AHCYL2: variants seen among roughly 807,000 people sequenced by gnomAD.
The protein encoded by AHCYL2 is S-adenosylhomocysteine hydrolase-like protein 2.
AHCYL2 carries 28 observed loss-of-function variants against 81.4 expected under a neutral mutation model. The ratio of observed to expected loss-of-function variants is 0.34; its 90% CI spans 0.25 to 0.47. The LOEUF (loss-of-function observed/expected upper bound fraction) is 0.47. Among genes scored for constraint, AHCYL2 ranks in the 20% least tolerant of loss-of-function variants. The probability of loss-of-function intolerance (pLI) is 1.00; values close to 1 mark genes in which losing one functional copy is unlikely to be tolerated. For synonymous variants in AHCYL2, 272 were observed against 290.2 expected (o/e 0.94, Z 0.64); for missense variants, 551 against 785.1 (o/e 0.70, Z 3.56).
intron 1 of AHCYL2, among the ~76,000 whole-genome samples, chr7:129,320,920 T>C (rs1397102556): frequency 6.6e-6 from 1 of 152,236 alleles, no homozygotes; most frequent in Non-Finnish European, 1.5e-5. Context: ...CACATATCAT[T>C]ACTTCATTCC....
intron 1 of AHCYL2, among the ~76,000 whole-genome samples, chr7:129,340,094 A>AT (rs951944063): frequency 1.8e-4 from 26 of 142,782 alleles, no homozygotes; most frequent in African/African-American, 2.8e-4. Flanking sequence ...TATTTTTTGT[A>AT]TTTTTTTTTA....
intron 1 of AHCYL2, among the ~76,000 whole-genome samples, chr7:129,305,071 G>A (rs546031880): frequency 2.6e-4 from 40 of 151,332 alleles, no homozygotes; most frequent in African/African-American, 8.2e-4. Context: ...TAGATTTGTG[G>A]TTACCATGAA....
At chr7:129,414,455 C>T (rs1338167945) in intron 12 of AHCYL2, among the ~76,000 whole-genome samples, 3 of 141,020 alleles carry the variant, frequency 2.1e-5, no homozygotes, top group Non-Finnish European at 3.0e-5. Context: ...GAGTCTCACT[C>T]TGTCGCCCAG....
At chr7:129,275,068 G>C (rs1001786701) in intron 1 of AHCYL2, among the ~76,000 whole-genome samples, 7 of 152,132 alleles carry the variant, frequency 4.6e-5, no homozygotes, top group Non-Finnish European at 8.8e-5. Context: ...ATTTAGAATA[G>C]TTTTTAAATT....
intron 1 of AHCYL2, among the ~76,000 whole-genome samples, chr7:129,239,010 C>T (rs1051596598): frequency 7.0e-6 from 1 of 142,574 alleles, no homozygotes; most frequent in African/African-American, 2.5e-5. Flanking sequence ...TAGAAATTCA[C>T]ATTTTTGTGC....
intron 1 of AHCYL2, among the ~76,000 whole-genome samples, chr7:129,376,985 T>C (rs1427167545): frequency 1.3e-5 from 2 of 152,230 alleles, no homozygotes; most frequent in Admixed American, 6.5e-5. Flanking sequence ...ATTTTAACTT[T>C]AGACTTGGTT....
intron 5 of AHCYL2, among the ~76,000 whole-genome samples, chr7:129,398,036 T>C (rs1488819063): frequency 6.6e-6 from 1 of 152,038 alleles, no homozygotes; most frequent in Non-Finnish European, 1.5e-5. Context: ...AGAAACGGAG[T>C]CTTGCTGGGT....
chr7:129,411,787 A>T (rs1190620458), intron 11 of AHCYL2, among the ~76,000 whole-genome samples: 1 of 151,978 alleles, frequency 6.6e-6, no homozygotes, highest in Non-Finnish European at 1.5e-5. Context: ...GAATCATTCA[A>T]TATGATGTTT....
chr7:129,399,278 C>G (rs978594532), intron 5 of AHCYL2, among the ~76,000 whole-genome samples: 1 of 151,326 alleles, frequency 6.6e-6, no homozygotes, highest in African/African-American at 2.4e-5. Context: ...GAAACCCCGT[C>G]TTTACTAAAA....
intron 1 of AHCYL2, among the ~76,000 whole-genome samples, chr7:129,322,482 C>A (rs1798074129): frequency 6.6e-6 from 1 of 152,160 alleles, no homozygotes; most frequent in African/African-American, 2.4e-5. Flanking sequence ...ATAAATATTT[C>A]TATATATTCT....
chr7:129,225,097 A>C lies in AHCYL2; in HGVS notation c.21A>C (p.Ser7=). The change falls in exon 1 of 17, where the codon TCA becomes TCC. Residue 7 remains serine (S), a synonymous_variant. Coordinates refer to ENST00000325006, the MANE Select transcript of AHCYL2 (RefSeq NM_015328.4). ...CGGTGATGTCGGTGCAGGTTGTGTC[A>C]GCCGCGGCTGCCGCCAAGGTGCCTG... MSVQVV[S]AAAAAKVPEV... 6.3e-7 allele frequency: 1 copy of C among 1,596,698 alleles called. No homozygotes were observed. Among genetic ancestry groups the C allele is most frequent in the Non-Finnish European group, 8.5e-7 (1 of 1,173,012 alleles).
chr7:129,308,950 G>A (rs542257004), intron 1 of AHCYL2, among the ~76,000 whole-genome samples: 1 of 152,288 alleles, frequency 6.6e-6, no homozygotes, highest in East Asian at 1.9e-4. Flanking sequence ...ATGGTTATGG[G>A]CTGGGCACAG....
intron 7 of AHCYL2, among the ~76,000 whole-genome samples, chr7:129,404,304 G>A (rs1796193464): frequency 6.6e-6 from 1 of 151,854 alleles, no homozygotes; most frequent in East Asian, 1.9e-4. Flanking sequence ...AGTAAAATTG[G>A]AATTATTTCA....
intron 4 of AHCYL2, among the ~76,000 whole-genome samples, chr7:129,392,122 G>A (rs12706878): frequency 0.053 from 8,008 of 151,968 alleles, 323 homozygotes; most frequent in African/African-American, 0.11. Context: ...TGAATGGATT[G>A]ATCACAATTA....
intron 1 of AHCYL2, among the ~76,000 whole-genome samples, chr7:129,267,232 T>TGTGTGTGTGTGTATGTGG (rs1795842210): frequency 2.7e-5 from 1 of 37,506 alleles, no homozygotes; most frequent in Admixed American, 3.8e-4. Context: ...ACTCAAGGGG[T>TGTGTGTGTGTGTATGTGG]GTGTGTGTGT....
intron 1 of AHCYL2, among the ~76,000 whole-genome samples, chr7:129,306,739 G>T (rs542900611): frequency 2.0e-5 from 3 of 152,152 alleles, no homozygotes; most frequent in African/African-American, 4.8e-5. Flanking sequence ...TTCTTGGGAA[G>T]GCTTTCCAGA....
At chr7:129,416,851 T>C (rs78992891) in intron 12 of AHCYL2, among the ~76,000 whole-genome samples, 152,186 of 152,188 alleles carry the variant, frequency 1, 76,092 homozygotes, top group Non-Finnish European at 1. Context: ...TGTGTGGTGG[T>C]GGGCGCCTGT....
intron 1 of AHCYL2, among the ~76,000 whole-genome samples, chr7:129,269,910 G>A (rs746352979): frequency 4.6e-5 from 7 of 152,050 alleles, no homozygotes; most frequent in Non-Finnish European, 7.4e-5. Context: ...TATTGATATT[G>A]TTCCAGTGTC....
chr7:129,337,774 G>A (rs1483314673), intron 1 of AHCYL2, among the ~76,000 whole-genome samples: 2 of 151,714 alleles, frequency 1.3e-5, no homozygotes, highest in Non-Finnish European at 2.9e-5. Flanking sequence ...ATGGAGTTTT[G>A]CTCTTGTTGC....
Sources: allele counts gnomAD v4.1 joint callset (sites outside exome capture counted in the v4.1 genomes callset), GRCh38; gene constraint gnomAD v4.1.1; transcripts MANE v1.5; gene names NCBI Gene and HGNC (gene_info 2026-07-23, HGNC 2026-07-21).